ESYT2: variants seen among roughly 807,000 people sequenced by gnomAD.
ESYT2 encodes the protein extended synaptotagmin 2.
Under a neutral mutation model 107.2 loss-of-function variants are expected in ESYT2, and 54 were observed. That is an observed-to-expected ratio of 0.50 (90% CI 0.40 to 0.63). ESYT2 has a LOEUF of 0.63. Among genes scored for constraint, ESYT2 ranks in the 30% least tolerant of loss-of-function variants. ESYT2 has a pLI of 0.00. For synonymous variants in ESYT2, 491 were observed against 434.1 expected (o/e 1.13, Z -1.63); for missense variants, 1,020 against 1,094.5 (o/e 0.93, Z 0.96).
chr7:158,827,956 T>A lies in ESYT2; in HGVS notation c.330+1133A>T, dbSNP rs546992472. Reference sequence around the variant, plus strand: ...TGAAGCCAACTCTTCGTGTCTATAGTCCATAAATATACGAGGTAGAGAACT... The same window carrying A: ...TGAAGCCAACTCTTCGTGTCTATAGACCATAAATATACGAGGTAGAGAACT... On this transcript the variant is annotated intron_variant, in intron 1 of 22. Coordinates refer to ENST00000275418, the MANE Select transcript of ESYT2 (RefSeq NM_001367773.1). 3.6e-3 allele frequency among the ~76,000 whole-genome samples: 550 copies of A among 152,280 alleles called. 2 individuals carry two copies. Among genetic ancestry groups the A allele is most frequent in the Non-Finnish European group, 6.0e-3 (408 of 68,020 alleles).
At chr7:158,824,709 T>C (rs566395203) in intron 1 of ESYT2, among the ~76,000 whole-genome samples, 2 of 152,300 alleles carry the variant, frequency 1.3e-5, no homozygotes. Context: ...GACAGTATTA[T>C]CCATAGCAGC....
At chr7:158,760,447 A>T (rs544391154) in intron 11 of ESYT2, among the ~76,000 whole-genome samples, 1 of 152,196 alleles carries the variant, frequency 6.6e-6, no homozygotes, top group Non-Finnish European at 1.5e-5. Context: ...CACTTTACAC[A>T]TAAGAATTCA....
intron 21 of ESYT2, among the ~76,000 whole-genome samples, chr7:158,734,909 TCTTA>T (rs1836869916): frequency 6.6e-6 from 1 of 152,236 alleles, no homozygotes; most frequent in South Asian, 2.1e-4. Flanking sequence ...TTCTGAAGGC[TCTTA>T]CTTTTTCAAT....
intron 9 of ESYT2, among the ~76,000 whole-genome samples, chr7:158,763,717 G>T (rs1838057291): frequency 6.6e-6 from 1 of 152,098 alleles, no homozygotes; most frequent in Non-Finnish European, 1.5e-5. Flanking sequence ...TAGGGATCCT[G>T]GATTGCGTCT....
In ESYT2 at chr7:158,808,902, G is replaced by A. The variant is rs148496649; in HGVS notation, c.331-9830C>T. ...GAGCCACGAGAATTGCTTGAACTCG[G>A]GTGGCAGAGGTTGCAGTGAGCCGAG... On this transcript the variant is annotated intron_variant, in intron 1 of 22. Coordinates refer to ENST00000275418, the MANE Select transcript of ESYT2 (RefSeq NM_001367773.1). 8.2e-3 allele frequency among the ~76,000 whole-genome samples: 1,246 copies of A among 152,182 alleles called. 19 individuals are homozygous for A. Among genetic ancestry groups the A allele is most frequent in the African/African-American group, 0.029 (1,188 of 41,534 alleles).
At chr7:158,754,344 C>T (rs1281990493) in intron 13 of ESYT2, among the ~76,000 whole-genome samples, 2 of 152,050 alleles carry the variant, frequency 1.3e-5, no homozygotes, top group African/African-American at 4.8e-5. Flanking sequence ...AAAGCTGGGA[C>T]TACAGGCATG....
intron 21 of ESYT2, 109 bp downstream of exon 21, chr7:158,735,394 G>GT: frequency 1.2e-6 from 1 of 803,326 alleles, no homozygotes; most frequent in South Asian, 1.7e-5. Context: ...CATCGACCTC[G>GT]TAAGTTCGCC....
chr7:158,824,713 T>C (rs1038662390), intron 1 of ESYT2, among the ~76,000 whole-genome samples: 1 of 152,206 alleles, frequency 6.6e-6, no homozygotes, highest in Non-Finnish European at 1.5e-5. Context: ...GTATTATCCA[T>C]AGCAGCCATA....
chr7:158,822,138 C>T (rs984288798), intron 1 of ESYT2, among the ~76,000 whole-genome samples: 2 of 152,178 alleles, frequency 1.3e-5, no homozygotes. Context: ...TCCTCTGAGA[C>T]AGAATCGTCA....
At chr7:158,753,114 C>T (rs796759430) in intron 13 of ESYT2, among the ~76,000 whole-genome samples, 4 of 152,322 alleles carry the variant, frequency 2.6e-5, no homozygotes, top group African/African-American at 9.6e-5. Context: ...CCCTCTTGAT[C>T]CCTTGTGATT....
intron 6 of ESYT2, among the ~76,000 whole-genome samples, chr7:158,777,452 GCA>G (rs778798932): frequency 9.8e-5 from 15 of 152,294 alleles, no homozygotes; most frequent in East Asian, 1.9e-4. Flanking sequence ...ATTGGCGTGG[GCA>G]CAGTTTCTCC....
intron 19 of ESYT2, 124 bp downstream of exon 19, chr7:158,738,899 C>A (rs1837084205): frequency 9.9e-7 from 1 of 1,008,206 alleles, no homozygotes; most frequent in South Asian, 1.5e-5. Flanking sequence ...GGTTTAATTG[C>A]TTTGTCCTTT....
chr7:158,769,434 T>C (rs1443664570), intron 7 of ESYT2, among the ~76,000 whole-genome samples: 2 of 152,272 alleles, frequency 1.3e-5, no homozygotes, highest in Non-Finnish European at 1.5e-5. Context: ...CTCCCCTCAC[T>C]GCGCCTCCTC....
intron 1 of ESYT2, among the ~76,000 whole-genome samples, chr7:158,803,619 G>C (rs930604989): frequency 6.6e-6 from 1 of 152,176 alleles, no homozygotes. Context: ...TGGTCAGAAA[G>C]ACTTGCAGAA....
At chr7:158,822,031 G>A (rs1840299497) in intron 1 of ESYT2, among the ~76,000 whole-genome samples, 1 of 151,994 alleles carries the variant, frequency 6.6e-6, no homozygotes, top group African/African-American at 2.4e-5. Flanking sequence ...ACTCTGAGCA[G>A]AGTGTAAATA....
At chr7:158,810,638 C>T (rs747876977) in intron 1 of ESYT2, among the ~76,000 whole-genome samples, 15 of 151,882 alleles carry the variant, frequency 9.9e-5, no homozygotes, top group Non-Finnish European at 1.8e-4. Context: ...GCCGTGATTG[C>T]GTCACTGCGC....
Position 158,814,287 on chromosome 7 carries a change from TTATATATATATATA to T in ESYT2, c.330+14788_330+14801del, listed in dbSNP as rs58908927. ...AGACTCCGTCTCAAAAAAAAAAAAA[TTATATATATATATA>T]TATATATATATATATATATATATAT... On this transcript the variant is annotated intron_variant, in intron 1 of 22. Transcript: ENST00000275418. 1.4e-3 allele frequency among the ~76,000 whole-genome samples: 96 copies of T among 66,830 alleles called. 1 individual carries two copies. Among genetic ancestry groups the T allele is most frequent in the Admixed American group, 3.4e-3 (20 of 5,924 alleles). 43.8% of individuals were successfully genotyped at this position (66,830 alleles called of 152,430 possible).
At chr7:158,736,913 G>T (rs1836975397) in intron 20 of ESYT2, 135 bp downstream of exon 20, 1 of 1,094,692 alleles carries the variant, frequency 9.1e-7, no homozygotes, top group Non-Finnish European at 1.3e-6. Flanking sequence ...AAGTATGTTT[G>T]CTAAAAGTTG....
intron 8 of ESYT2, 128 bp downstream of exon 8, chr7:158,767,525 GC>G: frequency 8.4e-7 from 1 of 1,185,822 alleles, no homozygotes; most frequent in Non-Finnish European, 1.2e-6. Context: ...AATAGTCAAT[GC>G]ATCAAGACCC....
Sources: gnomAD v4.1 joint callset for allele counts (sites outside exome capture counted in the v4.1 genomes callset) on GRCh38, gnomAD v4.1.1 for gene constraint, MANE v1.5 for transcripts, NCBI Gene and HGNC (gene_info 2026-07-23, HGNC 2026-07-21) for gene names.